Variants in MYT1 observed in about 807,000 individuals in gnomAD.
MYT1 encodes the protein myelin transcription factor I.
MYT1 carries 23 observed loss-of-function variants against 123.0 expected under a neutral mutation model. The observed-to-expected ratio is 0.19, with a 90% CI of 0.13 to 0.26. MYT1 has a LOEUF of 0.26. Among genes scored for constraint, MYT1 ranks in the 10% least tolerant of loss-of-function variants. The pLI, the probability that MYT1 is intolerant of heterozygous loss-of-function variation, is 1.00. For missense variants in MYT1, 1,125 were observed against 1,472.5 expected (o/e 0.76, Z 3.86); for synonymous variants, 518 against 575.3 (o/e 0.90, Z 1.43).
intron 18 of MYT1, among the ~76,000 whole-genome samples, chr20:64,228,852 C>A (rs908697390): frequency 4.0e-4 from 61 of 152,202 alleles, no homozygotes; most frequent in African/African-American, 1.4e-3. Context: ...TGGCTCTGGA[C>A]ACCTTGTTGC....
At chr20:64,188,045 A>T (rs1194794529) in intron 1 of MYT1, among the ~76,000 whole-genome samples, 1 of 152,216 alleles carries the variant, frequency 6.6e-6, no homozygotes. Context: ...TTCAGAGCCC[A>T]GGGCTGACTG....
chr20:64,186,082 T>A lies in MYT1; in HGVS notation c.-98-3981T>A, dbSNP rs1047174966. Among the ~76,000 whole-genome samples, 4 of 152,142 alleles carry A rather than the reference T, an allele frequency of 2.6e-5. No individual in the cohort carries two copies. Among genetic ancestry groups the A allele is most frequent in the Non-Finnish European group, 5.9e-5 (4 of 68,020 alleles). ...GAGTCTCTGGCCAGTGAGGGGTGGT[T>A]CCCTCTCCTCTGGACCTTTGTGCAT... On this transcript the variant is annotated intron_variant, in intron 1 of 22. Transcript: ENST00000328439. The surrounding 1 kb of genome is among the most constrained non-coding windows in gnomAD (Gnocchi z 4.3).
intron 2 of MYT1, among the ~76,000 whole-genome samples, chr20:64,198,113 G>A (rs886452591): frequency 2.0e-5 from 3 of 151,680 alleles, no homozygotes; most frequent in Non-Finnish European, 4.4e-5. Context: ...GTGAAACCCC[G>A]TCTCTACTAA....
intron 1 of MYT1, among the ~76,000 whole-genome samples, chr20:64,169,186 A>C (rs1982170484): frequency 6.6e-6 from 1 of 151,822 alleles, no homozygotes; most frequent in Admixed American, 6.6e-5. Context: ...GAGTGGGAGG[A>C]GAGTGGGAGT....
At chr20:64,223,736 G>A (rs1375908551) in intron 16 of MYT1, among the ~76,000 whole-genome samples, 5 of 152,166 alleles carry the variant, frequency 3.3e-5, no homozygotes, top group Non-Finnish European at 5.9e-5. Flanking sequence ...ACCAGGGAAC[G>A]TAAGCCCTGC....
chr20:64,179,954 T>C (rs1397878974), intron 1 of MYT1, among the ~76,000 whole-genome samples: 1 of 70,486 alleles, frequency 1.4e-5, no homozygotes, highest in East Asian at 5.4e-4. Context: ...GTTACACATT[T>C]GCACACAGTT....
In MYT1 at chr20:64,208,390, G is replaced by T; in HGVS notation, c.1194G>T (p.Pro398=). The T allele has an allele frequency of 6.2e-7, 1 of 1,613,472 alleles. No individual in the cohort carries two copies. The highest frequency in any genetic ancestry group is 1.1e-5 in the South Asian group (1 of 91,070). ...AACAGGTGCGCACAGTCTGCGAGCC[G>T]GGCTGCCCGCCTGCCGAGCAGAGCC... is the stretch of plus-strand genomic sequence containing the variant. ...KAEQVRTVCE[P]GCPPAEQSQL... is the part of the protein sequence containing the mutation. Residue 398 remains proline (P), a synonymous_variant, in exon 7 of 23, where the codon CCG becomes CCT. Transcript: ENST00000328439. This position sits in a 1 kb window ranked among gnomAD's most constrained non-coding sequence, Gnocchi z 5.4.
chr20:64,226,258 C>T (rs1313531209), intron 16 of MYT1, among the ~76,000 whole-genome samples: 1 of 152,258 alleles, frequency 6.6e-6, no homozygotes, highest in African/African-American at 2.4e-5. Flanking sequence ...AAAAAAACTC[C>T]TAGGGGCCGA....
Position 64,232,702 on chromosome 20 carries a change from T to TA in MYT1, c.2897+318dup, listed in dbSNP as rs1182160534. Among the ~76,000 whole-genome samples, 2 of 150,274 alleles carry TA rather than the reference T, an allele frequency of 1.3e-5. No homozygotes were observed. The highest frequency in any genetic ancestry group is 2.5e-5 in the African/African-American group (1 of 39,680). On this transcript the variant is annotated intron_variant, in intron 19 of 22. Transcript: ENST00000328439. This position sits in a 1 kb window ranked among gnomAD's most constrained non-coding sequence, Gnocchi z 6.9. ...TGAGCAGAGCCCTGGGTCTGACACT[T>TA]ACGTTCTCTTAACAGGCTGACAACT...
chr20:64,171,661 C>G, intron 1 of MYT1, among the ~76,000 whole-genome samples: 1 of 147,934 alleles, frequency 6.8e-6, no homozygotes, highest in Non-Finnish European at 1.5e-5. Flanking sequence ...ACTCCCTACA[C>G]CTCTGGCATC....
intron 2 of MYT1, among the ~76,000 whole-genome samples, chr20:64,197,543 T>G (rs941325579): frequency 6.6e-6 from 1 of 152,180 alleles, no homozygotes; most frequent in Non-Finnish European, 1.5e-5. Context: ...ATTTGCTGCC[T>G]CCCCTTCCTG....
intron 1 of MYT1, among the ~76,000 whole-genome samples, chr20:64,169,900 C>T (rs74960717): frequency 0.028 from 4,242 of 152,226 alleles, 174 homozygotes; most frequent in African/African-American, 0.094. Flanking sequence ...ATTAGCTTCC[C>T]AGGTGAGTGG....
chr20:64,200,353 A>G lies in MYT1; in HGVS notation c.86+431A>G, dbSNP rs541204086. ...TCTTCCATTGGCTCGGGATGCAAAC[A>G]GCAGTTCTGTGTGCTGATGACCCGG... On this transcript the variant is annotated intron_variant, in intron 4 of 22. Coordinates refer to ENST00000328439, the MANE Select transcript of MYT1 (RefSeq NM_004535.3). Among the ~76,000 whole-genome samples, 62 of 152,292 alleles carry G rather than the reference A, an allele frequency of 4.1e-4. 1 individual carries two copies. The South Asian group carries it at 0.012, about 30-fold the overall frequency.
chr20:64,228,097 C>A, intron 18 of MYT1, 126 bp downstream of exon 18: 3 of 840,160 alleles, frequency 3.6e-6, no homozygotes, highest in South Asian at 1.7e-5. Flanking sequence ...AACTGACCAA[C>A]GCCAACTTTC....
At chr20:64,199,726 A>G (rs939585810) in intron 3 of MYT1, among the ~76,000 whole-genome samples, 166 bp from the exon 4 acceptor site, 2 of 152,214 alleles carry the variant, frequency 1.3e-5, no homozygotes, top group African/African-American at 4.8e-5. Flanking sequence ...CTGGGAGGTC[A>G]GGAAAGGGTG....
intron 1 of MYT1, among the ~76,000 whole-genome samples, chr20:64,187,889 A>G (rs1384474545): frequency 6.6e-6 from 1 of 152,238 alleles, no homozygotes; most frequent in East Asian, 1.9e-4. Context: ...CACAGGTTTC[A>G]CCGGGTGCCA....
rs1014951249 is a variant in MYT1, at chr20:64,168,062, G to C, written c.-99+3323G>C. ...AGCCCGGAGTGTCTGCTGGAGGCCT[G>C]GGGGGTGGAATGTGCTTTCACGGCC... is the stretch of plus-strand genomic sequence containing the variant. On this transcript the variant is annotated intron_variant, in intron 1 of 22. Transcript: ENST00000328439. The surrounding 1 kb of genome is among the most constrained non-coding windows in gnomAD (Gnocchi z 6.1). Among the ~76,000 whole-genome samples the C allele has an allele frequency of 4.6e-5, 7 of 152,318 alleles. No individual in the cohort carries two copies. In the South Asian group the frequency reaches 8.3e-4, roughly 18 times the overall value.
chr20:64,184,682 G>C (rs1461644618), intron 1 of MYT1, among the ~76,000 whole-genome samples: 1 of 152,238 alleles, frequency 6.6e-6, no homozygotes, highest in African/African-American at 2.4e-5. Flanking sequence ...CACAGCCAGA[G>C]AGGTCAGAAA....
chr20:64,237,566 G>A (rs748196807), intron 21 of MYT1, among the ~76,000 whole-genome samples, 176 bp downstream of exon 21: 43 of 152,372 alleles, frequency 2.8e-4, no homozygotes, highest in Middle Eastern at 3.4e-3. Context: ...CTCACAATGC[G>A]GAGTCCGTGA....
Sources: allele counts gnomAD v4.1 joint callset (sites outside exome capture counted in the v4.1 genomes callset), GRCh38; gene constraint gnomAD v4.1.1; non-coding constraint Gnocchi (gnomAD v3.1); transcripts MANE v1.5; gene names NCBI Gene and HGNC (gene_info 2026-07-23, HGNC 2026-07-21).